The following AKAP6 variants were observed in gnomAD, a reference collection of about 807,000 sequenced individuals.
AKAP6 encodes A-kinase anchor protein 6.
A neutral mutation model predicts 188.5 loss-of-function variants in AKAP6; 58 were observed. The observed-to-expected ratio is 0.31, with a 90% CI of 0.25 to 0.38. The LOEUF (loss-of-function observed/expected upper bound fraction) is 0.38. Among genes scored for constraint, AKAP6 ranks in the 10% least tolerant of loss-of-function variants. The pLI is 1.00. For missense variants in AKAP6, 2,710 were observed against 2,740.0 expected, an observed-to-expected ratio of 0.99 and a Z score of 0.24; for synonymous variants, 989 against 998.6, an observed-to-expected ratio of 0.99 and a Z score of 0.18.
chr14:32,449,831 T>C (rs1237932572), intron 2 of AKAP6, among the ~76,000 whole-genome samples: 1 of 152,212 alleles, frequency 6.6e-6, no homozygotes, highest in Non-Finnish European at 1.5e-5. Flanking sequence ...TGGCCCCTTT[T>C]CTTGATAGTG....
At chr14:32,433,249 A>G (rs1890276843) in intron 1 of AKAP6, 1 of 455,316 alleles carries the variant, frequency 2.2e-6, no homozygotes, top group East Asian at 3.9e-5. Context: ...AGTAGTCAAT[A>G]TCACAGTGGT....
rs542280717 is a variant in AKAP6, at chr14:32,826,860, G to T, written c.*42+2045G>T. On this transcript the variant is annotated intron_variant, in intron 13 of 13. Coordinates refer to ENST00000280979, the MANE Select transcript of AKAP6 (RefSeq NM_004274.5). ...CAGCAGTATTTTTTGTTAAGCCCCG[G>T]TGATGCCTGGCCTTATCTCGGGCAA... 3.9e-5 allele frequency among the ~76,000 whole-genome samples: 6 copies of T among 152,252 alleles called. No homozygotes were observed. In the South Asian group the frequency reaches 1.2e-3, roughly 32 times the overall value.
chr14:32,784,874 A>G (rs1336759700), intron 12 of AKAP6, among the ~76,000 whole-genome samples: 3 of 152,004 alleles, frequency 2.0e-5, no homozygotes, highest in Non-Finnish European at 2.9e-5. Context: ...TCCCCCTAAG[A>G]CTACTTTGGT....
In AKAP6 at chr14:32,519,811, T is replaced by C. The variant is rs1235256977; in HGVS notation, c.325-15743T>C. On this transcript the variant is annotated intron_variant, in intron 2 of 13. Coordinates refer to ENST00000280979, the MANE Select transcript of AKAP6 (RefSeq NM_004274.5). ...ACGAGACAGAAAGTTAACAAGGATA[T>C]CCAGGAATTCAACTCAGCTCTGCAC... 4.6e-5 allele frequency among the ~76,000 whole-genome samples: 7 copies of C among 152,104 alleles called. No homozygotes were observed. The East Asian group carries it at 1.4e-3, about 29-fold the overall frequency.
intron 2 of AKAP6, among the ~76,000 whole-genome samples, chr14:32,439,616 T>A (rs1278448012): frequency 6.6e-6 from 1 of 152,092 alleles, no homozygotes; most frequent in Non-Finnish European, 1.5e-5. Context: ...CTACCTCAGA[T>A]GGCAGTGGTG....
At chr14:32,346,411 G>A (rs1238629461) in intron 1 of AKAP6, among the ~76,000 whole-genome samples, 2 of 152,226 alleles carry the variant, frequency 1.3e-5, no homozygotes, top group Non-Finnish European at 2.9e-5. Context: ...GAGACAGTAT[G>A]TTTGTATTGC....
At chr14:32,711,622 A>G (rs959307681) in intron 9 of AKAP6, among the ~76,000 whole-genome samples, 1 of 152,092 alleles carries the variant, frequency 6.6e-6, no homozygotes, top group Admixed American at 6.6e-5. Flanking sequence ...TTCCTCAGGA[A>G]AAGACAAAGG....
intron 9 of AKAP6, among the ~76,000 whole-genome samples, chr14:32,719,132 A>T (rs2030391798): frequency 6.6e-6 from 1 of 151,516 alleles, no homozygotes; most frequent in Non-Finnish European, 1.5e-5. Context: ...TATAGATGTG[A>T]AAACCCTTTG....
chr14:32,628,740 A>G (rs1282031734), intron 7 of AKAP6, among the ~76,000 whole-genome samples: 15 of 151,498 alleles, frequency 9.9e-5, no homozygotes, highest in South Asian at 2.1e-4. Context: ...AAATAGAAAA[A>G]AAGTCCAAAA....
chr14:32,775,595 C>T (rs1473737612), intron 12 of AKAP6, among the ~76,000 whole-genome samples: 1 of 151,890 alleles, frequency 6.6e-6, no homozygotes, highest in African/African-American at 2.4e-5. Context: ...AGCATGTCTG[C>T]CTAATTTTTA....
intron 2 of AKAP6, among the ~76,000 whole-genome samples, chr14:32,487,716 A>T (rs1036794348): frequency 6.6e-6 from 1 of 152,126 alleles, no homozygotes; most frequent in African/African-American, 2.4e-5. Flanking sequence ...TGAACTTCGG[A>T]TGGGGTTTCT....
intron 9 of AKAP6, among the ~76,000 whole-genome samples, chr14:32,725,654 T>C (rs1401040706): frequency 6.6e-6 from 1 of 152,208 alleles, no homozygotes; most frequent in Non-Finnish European, 1.5e-5. Flanking sequence ...TTCCTGACTA[T>C]TCTAACTGTA....
At chr14:32,560,988 A>T (rs1242435977) in intron 4 of AKAP6, among the ~76,000 whole-genome samples, 1 of 152,190 alleles carries the variant, frequency 6.6e-6, no homozygotes, top group Admixed American at 6.5e-5. Context: ...CTGTTACATT[A>T]TATTTTCATT....
chr14:32,593,831 C>G (rs968581267), intron 5 of AKAP6, among the ~76,000 whole-genome samples: 1 of 152,120 alleles, frequency 6.6e-6, no homozygotes, highest in African/African-American at 2.4e-5. Flanking sequence ...TTGCTCTTCC[C>G]CATGTCTCAT....
intron 4 of AKAP6, among the ~76,000 whole-genome samples, chr14:32,574,217 G>A (rs926144306): frequency 6.6e-6 from 1 of 152,122 alleles, no homozygotes; most frequent in Non-Finnish European, 1.5e-5. Context: ...TTTAGTATTG[G>A]CAAGAAAAGA....
At chr14:32,650,905 T>G (rs567629652) in intron 7 of AKAP6, among the ~76,000 whole-genome samples, 56 of 152,330 alleles carry the variant, frequency 3.7e-4, no homozygotes, top group Non-Finnish European at 6.8e-4. Context: ...AAATGTAGAT[T>G]TTTATAAATG....
intron 7 of AKAP6, among the ~76,000 whole-genome samples, chr14:32,608,356 C>G (rs949751959): frequency 3.3e-5 from 5 of 151,850 alleles, no homozygotes; most frequent in African/African-American, 1.2e-4. Flanking sequence ...AAAAATTAGC[C>G]AAGTGTCATG....
rs754455860 is a variant in AKAP6 at position 32,546,609 on chromosome 14, G to T, written c.1956G>T (p.Lys652Asn). ...CTTTGAAGTTGGAAAACCTAACAAA[G>T]CTTCTGCCTCAGAAACCCAGAGGAG... ...VLALKLENLT[K>N]LLPQKPRGET... The change falls in exon 4 of 14, where the codon AAG (lysine) becomes AAT (asparagine). Residue 652 changes from lysine (K) to asparagine (N), a missense_variant. Lys to Asn is a moderately conservative substitution (Grantham distance 94). Transcript: ENST00000280979. 2 of 1,614,112 alleles carry T rather than the reference G, an allele frequency of 1.2e-6. No homozygotes were observed. Among genetic ancestry groups the T allele is most frequent in the Admixed American group, 1.7e-5 (1 of 60,010 alleles).
chr14:32,342,336 C>G (rs111236807), intron 1 of AKAP6, among the ~76,000 whole-genome samples: 11 of 152,282 alleles, frequency 7.2e-5, no homozygotes, highest in African/African-American at 2.2e-4. Context: ...AGTCCCTGCC[C>G]TTAGGGTGGA....
Sources: allele counts gnomAD v4.1 joint callset (sites outside exome capture counted in the v4.1 genomes callset), GRCh38; gene constraint gnomAD v4.1.1; transcripts MANE v1.5; gene names NCBI Gene and HGNC (gene_info 2026-07-23, HGNC 2026-07-21).